Variants in CNTN4 observed in about 807,000 individuals in gnomAD.
The protein encoded by CNTN4 is contactin-4.
In CNTN4, 77 loss-of-function variants were observed where a neutral mutation model predicts 122.5. The ratio of observed to expected loss-of-function variants is 0.63; its 90% confidence interval spans 0.52 to 0.76. The LOEUF is 0.76. Ranked by LOEUF, CNTN4 falls within the 30% of genes least tolerant of loss-of-function variation. The pLI is 0.00. For missense variants in CNTN4, 1,256 were observed against 1,259.1 expected (o/e 1.00, Z 0.04); for synonymous variants, 512 against 447.0 (o/e 1.15, Z -1.83).
intron 2 of CNTN4, among the ~76,000 whole-genome samples, chr3:2,105,115 G>C (rs927793722): frequency 1.3e-5 from 2 of 152,126 alleles, no homozygotes; most frequent in Non-Finnish European, 2.9e-5. Flanking sequence ...GGCTCTAGTT[G>C]GGCTCCATGT....
At chr3:2,124,498 C>T (rs1172438050) in intron 2 of CNTN4, among the ~76,000 whole-genome samples, 5 of 151,262 alleles carry the variant, frequency 3.3e-5, no homozygotes, top group South Asian at 2.1e-4. Flanking sequence ...TATGCTGGCT[C>T]ACACCTATAA....
intron 6 of CNTN4, among the ~76,000 whole-genome samples, chr3:2,816,673 T>C (rs1370047605): frequency 6.6e-6 from 1 of 151,302 alleles, no homozygotes; most frequent in East Asian, 2.0e-4. Context: ...ATACAAAAAT[T>C]AGCTGGGCGT....
At chr3:2,186,839 T>G (rs2037293465) in intron 2 of CNTN4, among the ~76,000 whole-genome samples, 1 of 152,222 alleles carries the variant, frequency 6.6e-6, no homozygotes, top group Non-Finnish European at 1.5e-5. Flanking sequence ...CTTTGTCAGA[T>G]GAGTAGATTG....
At chr3:2,360,449 A>G (rs992683425) in intron 3 of CNTN4, among the ~76,000 whole-genome samples, 6 of 152,226 alleles carry the variant, frequency 3.9e-5, no homozygotes, top group East Asian at 1.9e-4. Flanking sequence ...TCAGTCTTCT[A>G]TAATATGTTT....
chr3:2,635,454 T>A (rs1211265150), intron 4 of CNTN4, among the ~76,000 whole-genome samples: 1 of 152,222 alleles, frequency 6.6e-6, no homozygotes, highest in East Asian at 1.9e-4. Flanking sequence ...GTGCTGTTTG[T>A]GTATATCTAC....
intron 3 of CNTN4, among the ~76,000 whole-genome samples, chr3:2,554,012 T>A (rs2078620714): frequency 6.6e-6 from 1 of 152,174 alleles, no homozygotes; most frequent in Admixed American, 6.5e-5. Context: ...GTTATCTCAA[T>A]AATCGGTGTA....
chr3:2,571,612 T>G (rs1198081178), intron 4 of CNTN4, 54 bp downstream of exon 4: 1 of 1,334,468 alleles, frequency 7.5e-7, no homozygotes, highest in Non-Finnish European at 1.1e-6. Context: ...TATTTCACAC[T>G]AATTCAAAAG....
chr3:2,700,183 A>C (rs769259260), intron 4 of CNTN4, among the ~76,000 whole-genome samples: 48 of 152,238 alleles, frequency 3.2e-4, no homozygotes, highest in Non-Finnish European at 6.6e-4. Flanking sequence ...CTTCGCAGAT[A>C]CAAAGCCGTT....
chr3:2,956,918 C>A (rs2094805439), intron 13 of CNTN4, among the ~76,000 whole-genome samples: 1 of 152,176 alleles, frequency 6.6e-6, no homozygotes, highest in Non-Finnish European at 1.5e-5. Flanking sequence ...TGGTTTATTT[C>A]ACTTAGCATA....
At chr3:2,253,795 C>G (rs2149697053) in intron 2 of CNTN4, among the ~76,000 whole-genome samples, 1 of 152,248 alleles carries the variant, frequency 6.6e-6, no homozygotes. Flanking sequence ...GCATGAGCCA[C>G]CACACCTGGT....
intron 23 of CNTN4, among the ~76,000 whole-genome samples, chr3:3,050,783 A>AAAAAAAAC (rs1701186088): frequency 6.7e-6 from 1 of 148,804 alleles, no homozygotes; most frequent in Non-Finnish European, 1.5e-5. Flanking sequence ...AAAAAAAAAA[A>AAAAAAAAC]TCCAGGCTCT....
intron 4 of CNTN4, among the ~76,000 whole-genome samples, chr3:2,584,070 C>A (rs182373871): frequency 2.6e-5 from 4 of 152,258 alleles, no homozygotes; most frequent in Admixed American, 6.5e-5. Flanking sequence ...TTGCTTAATT[C>A]TCTGAGAAAA....
At chr3:2,667,171 C>T (rs909991940) in intron 4 of CNTN4, among the ~76,000 whole-genome samples, 6 of 152,176 alleles carry the variant, frequency 3.9e-5, no homozygotes, top group African/African-American at 1.4e-4. Context: ...GCCACACTAA[C>T]TTCCACAATG....
intron 7 of CNTN4, among the ~76,000 whole-genome samples, chr3:2,840,423 C>G (rs4684359): frequency 2.6e-5 from 4 of 151,662 alleles, no homozygotes; most frequent in African/African-American, 4.8e-5. Context: ...AAGCTGGGGC[C>G]GGCGCGGTGG....
chr3:2,504,870 TAAG>T (rs1472500298), intron 3 of CNTN4, among the ~76,000 whole-genome samples: 1 of 152,034 alleles, frequency 6.6e-6, no homozygotes, highest in African/African-American at 2.4e-5. Flanking sequence ...GTCAATGTAA[TAAG>T]AGACAATAAA....
At chr3:2,303,886 T>G (rs2042611607) in intron 2 of CNTN4, among the ~76,000 whole-genome samples, 1 of 152,186 alleles carries the variant, frequency 6.6e-6, no homozygotes, top group African/African-American at 2.4e-5. Flanking sequence ...CTGCAGGTAT[T>G]TAGAGCTGAT....
At chr3:2,838,556 T>C (rs7642322) in intron 7 of CNTN4, among the ~76,000 whole-genome samples, 94,344 of 146,830 alleles carry the variant, frequency 0.64, 30,627 homozygotes, top group East Asian at 0.87. Flanking sequence ...GACCCTATGG[T>C]TTGTAAAAAA....
intron 6 of CNTN4, among the ~76,000 whole-genome samples, chr3:2,773,580 G>A (rs984886007): frequency 6.6e-6 from 1 of 151,952 alleles, no homozygotes; most frequent in Non-Finnish European, 1.5e-5. Flanking sequence ...CTAGGTGTTC[G>A]GTTGGGTTCC....
At chr3:2,306,279 C>T (rs2042700548) in intron 2 of CNTN4, among the ~76,000 whole-genome samples, 2 of 152,112 alleles carry the variant, frequency 1.3e-5, no homozygotes, top group Admixed American at 1.3e-4. Context: ...TATTTCTTCC[C>T]ATTCTTGTCA....
Sources: gnomAD v4.1 joint callset for allele counts (sites outside exome capture counted in the v4.1 genomes callset) on GRCh38, gnomAD v4.1.1 for gene constraint, MANE v1.5 for transcripts, NCBI Gene and HGNC (gene_info 2026-07-23, HGNC 2026-07-21) for gene names.